NUP205: variants seen among roughly 807,000 people sequenced by gnomAD.
NUP205 encodes the protein nuclear pore complex protein Nup205.
A neutral mutation model predicts 253.8 loss-of-function variants in NUP205; 76 were observed. The observed-to-expected ratio is 0.30, with a 90% CI of 0.25 to 0.36. The LOEUF (loss-of-function observed/expected upper bound fraction) is 0.36. Among genes scored for constraint, NUP205 ranks in the 10% least tolerant of loss-of-function variants. The probability of loss-of-function intolerance (pLI) is 1.00; values close to 1 mark genes in which losing one functional copy is unlikely to be tolerated. For missense variants in NUP205, 2,162 were observed against 2,425.5 expected, an observed-to-expected ratio of 0.89 and a Z score of 2.28; for synonymous variants, 832 against 850.1, an observed-to-expected ratio of 0.98 and a Z score of 0.37.
At chr7:135,593,462 G>A (rs552353702) in intron 12 of NUP205, among the ~76,000 whole-genome samples, 23 of 152,256 alleles carry the variant, frequency 1.5e-4, no homozygotes, top group African/African-American at 5.5e-4. Context: ...CCAGTTGTTG[G>A]ATGCATATGC....
chr7:135,621,543 A>G (rs1376549428), intron 30 of NUP205, among the ~76,000 whole-genome samples: 1 of 152,232 alleles, frequency 6.6e-6, no homozygotes, highest in Non-Finnish European at 1.5e-5. Flanking sequence ...TTAGTTTCCA[A>G]TACAAGTTAT....
At chr7:135,616,536 C>T in intron 24 of NUP205, 119 bp from the exon 25 acceptor site, 1 of 500,076 alleles carries the variant, frequency 2.0e-6, no homozygotes, top group Non-Finnish European at 3.5e-6. Flanking sequence ...TTGCACAGGG[C>T]TCTTTGATGT....
intron 35 of NUP205, among the ~76,000 whole-genome samples, chr7:135,631,898 C>T (rs936625268): frequency 1.4e-4 from 22 of 152,094 alleles, no homozygotes; most frequent in Non-Finnish European, 2.2e-4. Flanking sequence ...TACAGGCGCC[C>T]GCCACCACGC....
intron 34 of NUP205, among the ~76,000 whole-genome samples, chr7:135,628,766 C>T (rs1192556618): frequency 1.3e-5 from 2 of 152,086 alleles, no homozygotes; most frequent in African/African-American, 4.8e-5. Flanking sequence ...TGTCCTAAAA[C>T]ACTTTGATTT....
At chr7:135,639,385 CATT>C (rs1279391526) in intron 38 of NUP205, among the ~76,000 whole-genome samples, 1 of 152,036 alleles carries the variant, frequency 6.6e-6, no homozygotes, top group Non-Finnish European at 1.5e-5. Flanking sequence ...TATAAAATGA[CATT>C]ATGAAAAGTA....
At chr7:135,597,859 C>T (rs1793878241) in intron 14 of NUP205, 139 bp from the exon 15 acceptor site, 4 of 691,816 alleles carry the variant, frequency 5.8e-6, no homozygotes, top group Admixed American at 2.8e-5. Flanking sequence ...TTTATCTTTT[C>T]CTCTAAATGA....
At chr7:135,561,459 T>C (rs146136854) in intron 1 of NUP205, among the ~76,000 whole-genome samples, 235 of 152,354 alleles carry the variant, frequency 1.5e-3, no homozygotes, top group African/African-American at 5.5e-3. Flanking sequence ...GACTTGTGAA[T>C]AAGCAACTAT....
intron 19 of NUP205, among the ~76,000 whole-genome samples, chr7:135,605,087 G>A (rs752080228): frequency 1.3e-5 from 2 of 151,150 alleles, no homozygotes; most frequent in Non-Finnish European, 2.9e-5. Context: ...ACAGGAACTC[G>A]CTCTATCACC....
At position 135,645,574 on chromosome 7, in the gene NUP205, G is replaced by A. The variant is rs1270529242; in HGVS notation, c.5790G>A (p.Leu1930=). ...ATTCCTTATTTGCCTCGAGAACCTTGTTTAAAAGCAGAAGACTGCAAGGTA... is the reference window on the plus strand; with the variant it reads ...ATTCCTTATTTGCCTCGAGAACCTTATTTAAAAGCAGAAGACTGCAAGGTA... ...SQDSLFASRT[L]FKSRRLQDSF... Residue 1930 remains leucine (L), a synonymous_variant, in exon 41 of 43, where the codon TTG becomes TTA. Transcript: ENST00000285968. The A allele has an allele frequency of 5.6e-6, 9 of 1,613,902 alleles. No homozygotes were observed. The Admixed American group carries it at 1.2e-4, about 21-fold the overall frequency.
intron 19 of NUP205, among the ~76,000 whole-genome samples, chr7:135,604,844 CTACTT>C (rs1794053176): frequency 6.6e-6 from 1 of 152,200 alleles, no homozygotes; most frequent in Admixed American, 6.5e-5. Flanking sequence ...TGTAAGTTGT[CTACTT>C]CACTGGTTTT....
Position 135,593,062 on chromosome 7 carries a change from A to C in NUP205, c.1700A>C (p.Glu567Ala), listed in dbSNP as rs1254643653. Residue 567 changes from glutamate to alanine, a missense_variant, in exon 12 of 43, where the codon GAA becomes GCA. This residue lies in a region of NUP205 where 892 missense variants were observed against 957.1 expected (regional missense o/e 0.93). Transcript: ENST00000285968. ...TTTCACTCCTTGATGCTTTACCACG[A>C]ACACCTTCGGAAGGATCTTCCAAGT... Reference protein sequence around the residue: ...HFFHSLMLYHEHLRKDLPSAD... With the variant: ...HFFHSLMLYHAHLRKDLPSAD... 1.4e-5 allele frequency: 23 copies of C among 1,613,958 alleles called. No homozygotes were observed. The highest frequency in any genetic ancestry group is 1.9e-5 in the Non-Finnish European group (22 of 1,179,982).
intron 41 of NUP205, 61 bp downstream of exon 41, chr7:135,645,657 T>A: frequency 6.5e-7 from 1 of 1,527,630 alleles, no homozygotes; most frequent in South Asian, 1.2e-5. Context: ...GAAAAGCTAG[T>A]ACCAGTTTTT....
chr7:135,625,812 T>A (rs1444504169), intron 32 of NUP205, among the ~76,000 whole-genome samples: 1 of 152,234 alleles, frequency 6.6e-6, no homozygotes, highest in Non-Finnish European at 1.5e-5. Context: ...TCACAAATGT[T>A]ACGATAATAG....
chr7:135,641,604 A>C (rs939392768), intron 38 of NUP205, among the ~76,000 whole-genome samples: 2 of 151,272 alleles, frequency 1.3e-5, no homozygotes, highest in African/African-American at 4.9e-5. Flanking sequence ...CCTCATCTCT[A>C]CCAAAAAATA....
intron 33 of NUP205, 40 bp from the exon 34 acceptor site, chr7:135,627,933 T>A: frequency 6.2e-7 from 1 of 1,609,092 alleles, no homozygotes; most frequent in East Asian, 2.2e-5. Flanking sequence ...GAGTATACCT[T>A]AATTCTTGGA....
At chr7:135,635,904 A>G (rs1794801379) in intron 36 of NUP205, among the ~76,000 whole-genome samples, 1 of 152,166 alleles carries the variant, frequency 6.6e-6, no homozygotes, top group African/African-American at 2.4e-5. Context: ...TTCTTCCATC[A>G]TACAATGTAT....
rs1197906832 is a variant in NUP205, at chr7:135,622,939, T to A, written c.4479+14T>A. 1 of 1,611,250 alleles carries A rather than the reference T, an allele frequency of 6.2e-7. No individual in the cohort carries two copies. The highest frequency in any genetic ancestry group is 1.7e-5 in the Admixed American group (1 of 59,386). ...GAGATTGGAAGGGTAAAGCAACTCT[T>A]ATTTAGTATTATAATTGAATAAGTA... On this transcript the variant is annotated intron_variant, in intron 31 of 42. Transcript: ENST00000285968.
In NUP205 at chr7:135,598,336, T is replaced by C. The variant is rs1793892087; in HGVS notation, c.2274+129T>C. ...AATTCACAGTCTTTGTTTTGAAATA[T>C]CTATGAAGTGGTCTGATTAGTTTAT... On this transcript the variant is annotated intron_variant, in intron 15 of 42. Transcript: ENST00000285968. 6.0e-6 allele frequency: 5 copies of C among 837,238 alleles called. No homozygotes were observed. The Admixed American group carries it at 1.1e-4, about 18-fold the overall frequency. The allele number at this position is 837,238 out of a possible 1,614,324, so 51.9% of individuals were successfully genotyped here. A position where few individuals can be genotyped will look rare whatever the true frequency, so the allele number is the denominator to read the frequency against.
intron 38 of NUP205, 49 bp from the exon 39 acceptor site, chr7:135,643,143 A>C: frequency 1.9e-6 from 3 of 1,544,336 alleles, no homozygotes; most frequent in Non-Finnish European, 1.8e-6. Flanking sequence ...TGAAATTCAT[A>C]TGAAATGCTT....
Sources: gnomAD v4.1 joint callset for allele counts (sites outside exome capture counted in the v4.1 genomes callset) on GRCh38, gnomAD v4.1.1 for gene constraint, gnomAD v4.1.1 regional missense constraint, MANE v1.5 for transcripts, NCBI Gene and HGNC (gene_info 2026-07-23, HGNC 2026-07-21) for gene names.